The following SORCS3 variants were observed in gnomAD, a reference collection of about 807,000 sequenced individuals.
The protein encoded by SORCS3 is sortilin related VPS10 domain containing receptor 3.
A neutral mutation model predicts 146.3 loss-of-function variants in SORCS3; 57 were observed. The ratio of observed to expected loss-of-function variants is 0.39; its 90% CI spans 0.31 to 0.49. The LOEUF is 0.49. Ranked by LOEUF, SORCS3 falls within the 20% of genes least tolerant of loss-of-function variation. The pLI is 0.92. For synonymous variants in SORCS3, 653 were observed against 618.5 expected (o/e 1.06, Z -0.83); for missense variants, 1,341 against 1,575.5 (o/e 0.85, Z 2.52).
rs1422880135 is a variant in SORCS3 at position 104,686,911 on chromosome 10, A to G, written c.627+44957A>G. 7.5e-5 allele frequency among the ~76,000 whole-genome samples: 11 copies of G among 147,464 alleles called. No homozygotes were observed. The Admixed American group carries it at 7.5e-4, about 10-fold the overall frequency. On this transcript the variant is annotated intron_variant, in intron 1 of 26. Coordinates refer to ENST00000369701, the MANE Select transcript of SORCS3 (RefSeq NM_014978.3). ...CATGCATCCATGCATCCGTCTTTCC[A>G]TCTGTCAATCCATCTATCCATCCAT...
chr10:104,700,754 C>T (rs1006545448), intron 1 of SORCS3, among the ~76,000 whole-genome samples: 4 of 152,076 alleles, frequency 2.6e-5, no homozygotes, highest in South Asian at 2.1e-4. Context: ...AGGTGCTCTC[C>T]GGTCCACACA....
At chr10:104,907,258 T>A (rs541966489) in intron 2 of SORCS3, among the ~76,000 whole-genome samples, 1 of 152,268 alleles carries the variant, frequency 6.6e-6, no homozygotes, top group African/African-American at 2.4e-5. Context: ...ATGGGCCTGT[T>A]TGTGCACTTT....
At chr10:104,757,043 A>C (rs1398969543) in intron 1 of SORCS3, among the ~76,000 whole-genome samples, 1 of 149,756 alleles carries the variant, frequency 6.7e-6, no homozygotes, top group Non-Finnish European at 1.5e-5. Flanking sequence ...AGCATTGAAC[A>C]GCTGCTGTTT....
chr10:105,157,134 C>T lies in SORCS3; in HGVS notation c.1483-4C>T, dbSNP rs2056216904. 7 of 1,612,640 alleles carry T rather than the reference C, an allele frequency of 4.3e-6. No homozygotes were observed. Among genetic ancestry groups the T allele is most frequent in the Non-Finnish European group, 5.9e-6 (7 of 1,179,432 alleles). On this transcript the variant is annotated splice_polypyrimidine_tract_variant and splice_region_variant and intron_variant, in intron 9 of 26. Transcript: ENST00000369701. ...GGTTCTCCATCTCTCACCTTTTTTCCTAGGTAGCAGGTATCAAAGGGATAT... is the reference window on the plus strand; with the variant it reads ...GGTTCTCCATCTCTCACCTTTTTTCTTAGGTAGCAGGTATCAAAGGGATAT...
At chr10:105,065,249 A>G (rs1270254590) in intron 5 of SORCS3, among the ~76,000 whole-genome samples, 1 of 152,208 alleles carries the variant, frequency 6.6e-6, no homozygotes, top group African/African-American at 2.4e-5. Context: ...AGTTTGCACC[A>G]GAATCATACC....
intron 1 of SORCS3, among the ~76,000 whole-genome samples, chr10:104,711,521 C>T (rs74155019): frequency 0.018 from 2,750 of 152,244 alleles, 83 homozygotes; most frequent in African/African-American, 0.063. Flanking sequence ...TCTTTCTGGC[C>T]GTAAGGCTGT....
chr10:104,952,627 G>T (rs1480230741), intron 3 of SORCS3, among the ~76,000 whole-genome samples: 1 of 152,094 alleles, frequency 6.6e-6, no homozygotes, highest in Non-Finnish European at 1.5e-5. Flanking sequence ...TTTCTGCCTT[G>T]TGACCAAATT....
At chr10:105,093,812 G>A (rs2055726581) in intron 6 of SORCS3, among the ~76,000 whole-genome samples, 1 of 152,088 alleles carries the variant, frequency 6.6e-6, no homozygotes, top group Non-Finnish European at 1.5e-5. Flanking sequence ...CAGCTACTCT[G>A]AAAAGATATT....
chr10:105,105,314 A>G, intron 6 of SORCS3, 83 bp from the exon 7 acceptor site: 1 of 783,058 alleles, frequency 1.3e-6, no homozygotes, highest in East Asian at 2.6e-5. Flanking sequence ...TGATTCCCCC[A>G]TGAAGTAGAG....
chr10:104,767,937 G>C (rs547656739), intron 1 of SORCS3, among the ~76,000 whole-genome samples: 1 of 151,840 alleles, frequency 6.6e-6, no homozygotes, highest in Non-Finnish European at 1.5e-5. Flanking sequence ...TAGTTTTACT[G>C]TAGGCATTGC....
chr10:104,974,241 G>T (rs2054879998), intron 3 of SORCS3, among the ~76,000 whole-genome samples: 1 of 152,062 alleles, frequency 6.6e-6, no homozygotes, highest in South Asian at 2.1e-4. Flanking sequence ...TTCAATTCCT[G>T]GGTATACTTG....
intron 2 of SORCS3, among the ~76,000 whole-genome samples, chr10:104,872,419 T>C (rs2018528051): frequency 6.6e-6 from 1 of 152,038 alleles, no homozygotes; most frequent in South Asian, 2.1e-4. Context: ...GGGAAGAAAA[T>C]AGAGGACTCA....
intron 20 of SORCS3, among the ~76,000 whole-genome samples, chr10:105,235,308 T>C (rs1433572267): frequency 1.3e-5 from 2 of 151,968 alleles, no homozygotes; most frequent in Non-Finnish European, 2.9e-5. Flanking sequence ...ATTTTCCCCC[T>C]CCCCTGATAT....
intron 1 of SORCS3, among the ~76,000 whole-genome samples, chr10:104,842,172 G>A (rs1470725346): frequency 6.6e-6 from 1 of 152,214 alleles, no homozygotes; most frequent in African/African-American, 2.4e-5. Context: ...AGTGGTCATG[G>A]AGTCCAGTGG....
At chr10:104,955,864 T>G (rs1289679163) in intron 3 of SORCS3, among the ~76,000 whole-genome samples, 1 of 152,012 alleles carries the variant, frequency 6.6e-6, no homozygotes, top group Non-Finnish European at 1.5e-5. Flanking sequence ...CTGAGAAGGA[T>G]AAAAAGAGGA....
intron 4 of SORCS3, among the ~76,000 whole-genome samples, chr10:105,015,044 G>A (rs982308889): frequency 2.0e-5 from 3 of 152,184 alleles, no homozygotes; most frequent in Admixed American, 1.3e-4. Context: ...AACCACATTA[G>A]TAATCAATGC....
rs549050770 is a variant in SORCS3, at chr10:105,190,406, ATTG to A, written c.2010-9590_2010-9588del. ...TTTTTCACTAATATTAGTAATATTA[ATTG>A]TTATTATTATTTTTGAGACGGAGTC... On this transcript the variant is annotated intron_variant, in intron 14 of 26. Transcript: ENST00000369701. Among the ~76,000 whole-genome samples, 203 of 152,252 alleles carry A rather than the reference ATTG, an allele frequency of 1.3e-3. 1 individual carries two copies. The highest frequency in any genetic ancestry group is 4.8e-3 in the African/African-American group (198 of 41,556).
At chr10:105,028,917 A>G (rs923134922) in intron 4 of SORCS3, among the ~76,000 whole-genome samples, 1 of 152,126 alleles carries the variant, frequency 6.6e-6, no homozygotes, top group Non-Finnish European at 1.5e-5. Context: ...GGGTCAGCAA[A>G]CTTTTTCTGT....
chr10:104,880,178 CAT>C (rs1159578847), intron 2 of SORCS3, among the ~76,000 whole-genome samples: 1 of 152,176 alleles, frequency 6.6e-6, no homozygotes, highest in Non-Finnish European at 1.5e-5. Flanking sequence ...ATATTTAACA[CAT>C]GTGGCATAAA....
Sources: gnomAD v4.1 joint callset for allele counts (sites outside exome capture counted in the v4.1 genomes callset) on GRCh38, gnomAD v4.1.1 for gene constraint, MANE v1.5 for transcripts, NCBI Gene and HGNC (gene_info 2026-07-23, HGNC 2026-07-21) for gene names.